INSR: variants seen among roughly 807,000 people sequenced by gnomAD.
INSR encodes insulin receptor.
Under a neutral mutation model 142.6 loss-of-function variants are expected in INSR, and 67 were observed. That is an observed-to-expected ratio of 0.47 (90% CI 0.39 to 0.58). The LOEUF (loss-of-function observed/expected upper bound fraction) is 0.58. Among genes scored for constraint, INSR ranks in the 20% least tolerant of loss-of-function variants. INSR has a pLI of 0.00. For missense variants in INSR, 1,248 were observed against 1,833.2 expected, an observed-to-expected ratio of 0.68 and a Z score of 5.83; for synonymous variants, 756 against 743.1, an observed-to-expected ratio of 1.02 and a Z score of -0.28.
intron 2 of INSR, among the ~76,000 whole-genome samples, chr19:7,189,308 C>T (rs1223866403): frequency 2.0e-5 from 3 of 152,184 alleles, no homozygotes; most frequent in East Asian, 1.9e-4. Flanking sequence ...CCGGCCTAGA[C>T]AATGGGAAGA....
chr19:7,176,748 C>T (rs1254697804), intron 3 of INSR, among the ~76,000 whole-genome samples: 2 of 152,234 alleles, frequency 1.3e-5, no homozygotes, highest in East Asian at 1.9e-4. Flanking sequence ...GCTTCCCGTA[C>T]AGCCTGCAGA....
At chr19:7,195,773 C>A (rs527811458) in intron 2 of INSR, among the ~76,000 whole-genome samples, 46 of 151,894 alleles carry the variant, frequency 3.0e-4, no homozygotes, top group African/African-American at 1.1e-3. Flanking sequence ...TAGATTGGAA[C>A]CTTCGCCTAG....
chr19:7,121,776 T>A (rs1475137010), intron 19 of INSR, among the ~76,000 whole-genome samples: 1 of 152,202 alleles, frequency 6.6e-6, no homozygotes, highest in African/African-American at 2.4e-5. Flanking sequence ...AACATATCTT[T>A]TAAAGAAGTG....
intron 2 of INSR, among the ~76,000 whole-genome samples, chr19:7,250,580 GGGAGGGAAGGAAGGAAGGAGA>G (rs1481933014): frequency 6.3e-5 from 9 of 142,824 alleles, no homozygotes; most frequent in African/African-American, 1.0e-4. Context: ...GAAGGAAGGA[GGGAGGGAAGGAAGGAAGGAGA>G]GGAGGGAGGG....
intron 2 of INSR, among the ~76,000 whole-genome samples, chr19:7,221,378 A>AAGGAGGAGGAGGAGGAGG (rs71177175): frequency 7.1e-6 from 1 of 140,058 alleles, no homozygotes; most frequent in Non-Finnish European, 1.5e-5. Context: ...TGTCAAAAAA[A>AAGGAGGAGGAGGAGGAGG]AGGAGGAGGA....
chr19:7,278,863 G>A (rs1457715540), intron 1 of INSR, among the ~76,000 whole-genome samples: 3 of 151,882 alleles, frequency 2.0e-5, no homozygotes, highest in East Asian at 1.9e-4. Context: ...GTATGGTGGC[G>A]TATGCCTGTA....
chr19:7,112,901 C>G lies in INSR; in HGVS notation c.*4155G>C, dbSNP rs1972240703. 1 of 152,102 alleles carries G rather than the reference C, an allele frequency of 6.6e-6. No homozygotes were observed. Among genetic ancestry groups the G allele is most frequent in the Admixed American group, 6.5e-5 (1 of 15,268 alleles). The allele number at this position is 152,102 out of a possible 1,614,324, so 9.4% of individuals were successfully genotyped here. ...GACCTGTTCTTTTCATTCCCAACCTCACCTCGCATATAAATTAATATTCTG... is the reference window on the plus strand; with the variant it reads ...GACCTGTTCTTTTCATTCCCAACCTGACCTCGCATATAAATTAATATTCTG... On this transcript the variant is annotated 3_prime_UTR_variant, in exon 22 of 22. Coordinates refer to ENST00000302850, the MANE Select transcript of INSR (RefSeq NM_000208.4).
chr19:7,152,559 TC>T (rs1308202839), intron 10 of INSR, 166 bp downstream of exon 10: 4 of 712,592 alleles, frequency 5.6e-6, no homozygotes, highest in Non-Finnish European at 1.0e-5. Flanking sequence ...CCTCGAAATT[TC>T]GAAACTGCAA....
Position 7,143,049 on chromosome 19 carries a change from A to G in INSR, c.2309T>C (p.Val770Ala), listed in dbSNP as rs776184742. 47 of 1,614,124 alleles carry G rather than the reference A, an allele frequency of 2.9e-5. 1 individual carries two copies. The highest frequency in any genetic ancestry group is 3.8e-5 in the Non-Finnish European group (45 of 1,180,058). Residue 770 changes from valine to alanine, a missense_variant, in exon 12 of 22, where the codon GTG becomes GCG. Transcript: ENST00000302850. ...KRRSLGDVGN[V>A]TVAVPTVAAF... ...TGCCACCGTGGGCACGGCCACCGTC[A>G]CATTCCCAACATCGCCAAGGGACCT... is the stretch of plus-strand genomic sequence containing the variant.
chr19:7,117,262 C>G lies in INSR; in HGVS notation c.3943G>C (p.Glu1315Gln). 5.0e-6 allele frequency: 8 copies of G among 1,614,226 alleles called. No individual in the cohort carries two copies. Among genetic ancestry groups the G allele is most frequent in the Non-Finnish European group, 6.8e-6 (8 of 1,180,038 alleles). ...TCCTCAAACTCCATCTCCAGCTCCTCACTCTCGGGAGCCTTGTTCTCCTCG... is the reference window on the plus strand; with the variant it reads ...TCCTCAAACTCCATCTCCAGCTCCTGACTCTCGGGAGCCTTGTTCTCCTCG... ...HSEENKAPESEELEMEFEDME... is the reference protein window; with the variant it reads ...HSEENKAPESQELEMEFEDME... Residue 1315 changes from glutamate to glutamine, a missense_variant, in exon 22 of 22, where the codon GAG (glutamate) becomes CAG (glutamine). Glu to Gln is a conservative substitution (Grantham distance 29, BLOSUM62 2). This residue lies in a region of INSR where 122 missense variants were observed against 129.8 expected (regional missense o/e 0.94). Transcript: ENST00000302850.
intron 1 of INSR, among the ~76,000 whole-genome samples, chr19:7,281,054 G>C (rs760649271): frequency 7.2e-5 from 11 of 152,148 alleles, no homozygotes; most frequent in South Asian, 2.1e-4. Flanking sequence ...ACATAGTTTT[G>C]TAATCCTAAC....
intron 9 of INSR, 120 bp downstream of exon 9, chr19:7,162,912 G>T: frequency 1.2e-6 from 1 of 820,958 alleles, no homozygotes; most frequent in Non-Finnish European, 2.1e-6. Flanking sequence ...GAGTGTGTGT[G>T]TGTGTGCCTT....
chr19:7,123,325 C>T (rs1485710095), intron 17 of INSR, among the ~76,000 whole-genome samples: 7 of 151,934 alleles, frequency 4.6e-5, no homozygotes, highest in Non-Finnish European at 1.0e-4. Flanking sequence ...CCCGCCTCCA[C>T]ACCCGGCTAA....
chr19:7,139,822 T>TTTTA (rs1491348352), intron 13 of INSR, among the ~76,000 whole-genome samples: 1 of 1,958 alleles, frequency 5.1e-4, no homozygotes, highest in Non-Finnish European at 1.1e-3. Context: ...TTGCGTATTC[T>TTTTA]TTTTTTTTTT....
At chr19:7,182,286 A>T (rs888592310) in intron 3 of INSR, among the ~76,000 whole-genome samples, 1 of 152,134 alleles carries the variant, frequency 6.6e-6, no homozygotes, top group African/African-American at 2.4e-5. Context: ...GTGAGCCAAG[A>T]TCGCACCATT....
At chr19:7,265,161 A>G (rs1037892706) in intron 2 of INSR, among the ~76,000 whole-genome samples, 4 of 152,208 alleles carry the variant, frequency 2.6e-5, no homozygotes, top group African/African-American at 9.6e-5. Flanking sequence ...CAAACAAGTA[A>G]TGTGTGAATG....
intron 2 of INSR, among the ~76,000 whole-genome samples, chr19:7,222,127 TAA>T (rs57114939): frequency 1.6e-3 from 199 of 126,264 alleles, no homozygotes; most frequent in Middle Eastern, 3.9e-3. Flanking sequence ...ATGTCCTCGG[TAA>T]AAAAAAAAAA....
intron 2 of INSR, among the ~76,000 whole-genome samples, chr19:7,195,222 G>C (rs1255801776): frequency 1.3e-5 from 2 of 152,136 alleles, no homozygotes; most frequent in African/African-American, 4.8e-5. Flanking sequence ...AGTGGGACAA[G>C]GCAACAACAC....
intron 9 of INSR, among the ~76,000 whole-genome samples, chr19:7,161,072 T>C (rs867246399): frequency 6.7e-6 from 1 of 149,668 alleles, no homozygotes; most frequent in African/African-American, 2.4e-5. Context: ...ACTTTAAATA[T>C]TATTCCATTT....
Sources: allele counts gnomAD v4.1 joint callset (sites outside exome capture counted in the v4.1 genomes callset), GRCh38; gene constraint gnomAD v4.1.1; regional missense constraint gnomAD v4.1.1; transcripts MANE v1.5; gene names NCBI Gene and HGNC (gene_info 2026-07-23, HGNC 2026-07-21).